Variants in CLASP1 observed in about 807,000 individuals in gnomAD.
The protein encoded by CLASP1 is cytoplasmic linker associated protein 1, also known as CLIP-associating protein 1.
Under a neutral mutation model 192.3 loss-of-function variants are expected in CLASP1, and 38 were observed. The observed-to-expected ratio is 0.20, with a 90% confidence interval of 0.15 to 0.26. CLASP1 has a LOEUF of 0.26. CLASP1 is among the 10% of genes least tolerant of loss of function. The pLI is 1.00. For missense variants in CLASP1, 1,433 were observed against 1,932.5 expected, an observed-to-expected ratio of 0.74 and a Z score of 4.85; for synonymous variants, 691 against 712.8, an observed-to-expected ratio of 0.97 and a Z score of 0.49.
chr2:121,564,341 C>A (rs965046586), intron 2 of CLASP1, among the ~76,000 whole-genome samples: 4 of 152,202 alleles, frequency 2.6e-5, no homozygotes, highest in African/African-American at 9.7e-5. Context: ...CTTAACCTCT[C>A]TGGCCCAGCA....
At chr2:121,527,851 T>G in exon 5 of CLASP1, 1 of 1,613,994 alleles carries the variant, frequency 6.2e-7, no homozygotes, top group Non-Finnish European at 8.5e-7. Flanking sequence ...GTACGGAAAT[T>G]CTTGTGTTTG....
chr2:121,447,440 A>G (rs771267075), exon 19 of CLASP1: 20 of 1,562,522 alleles, frequency 1.3e-5, no homozygotes, highest in Non-Finnish European at 1.7e-6. Context: ...CTGCGTTCAC[A>G]TCAATATCAC....
intron 2 of CLASP1, among the ~76,000 whole-genome samples, chr2:121,531,872 A>C (rs965813532): frequency 8.6e-5 from 13 of 151,978 alleles, no homozygotes; most frequent in African/African-American, 3.1e-4. Flanking sequence ...GTCTCAAAAA[A>C]AAAAAGAAAA....
exon 19 of CLASP1, chr2:121,447,347 G>A (rs1234744461): frequency 1.3e-5 from 20 of 1,590,668 alleles, no homozygotes; most frequent in East Asian, 4.6e-5. Flanking sequence ...CTAAGGATGC[G>A]TATGACCCTG....
chr2:121,517,198 GGTA>G (rs1462656086), intron 6 of CLASP1, among the ~76,000 whole-genome samples: 1 of 152,146 alleles, frequency 6.6e-6, no homozygotes, highest in Admixed American at 6.5e-5. Flanking sequence ...CAAATAAAAA[GGTA>G]GGAAGAAAAA....
Position 121,461,992 on chromosome 2 carries a change from A to T in CLASP1, c.939+540T>A, listed in dbSNP as rs936698755. 5.3e-5 allele frequency among the ~76,000 whole-genome samples: 8 copies of T among 152,208 alleles called. No homozygotes were observed. In the East Asian group the frequency reaches 1.2e-3, roughly 22 times the overall value. On this transcript the variant is annotated intron_variant, in intron 10 of 39. Transcript: ENST00000263710. ...AGTGCCACAGGAATCCAGAGCACAG[A>T]CAGTCAGTGTAGGCTGAGGAAAAGT...
At chr2:121,422,126 G>A (rs1320079864) in intron 22 of CLASP1, among the ~76,000 whole-genome samples, 1 of 152,130 alleles carries the variant, frequency 6.6e-6, no homozygotes, top group Non-Finnish European at 1.5e-5. Flanking sequence ...TACATTTCTT[G>A]ATAGACACTC....
chr2:121,418,506 A>C, intron 23 of CLASP1, 116 bp downstream of exon 23: 1 of 729,616 alleles, frequency 1.4e-6, no homozygotes, highest in Non-Finnish European at 2.4e-6. Flanking sequence ...GGAAAGAAAG[A>C]AGAAAGGATC....
exon 23 of CLASP1, chr2:121,418,670 G>A (rs1055573348): frequency 5.6e-6 from 9 of 1,613,752 alleles, no homozygotes; most frequent in African/African-American, 2.7e-5. Context: ...CTGCTCTCAC[G>A]GCTGGTATCG....
chr2:121,453,777 A>T (rs887555459), intron 14 of CLASP1, among the ~76,000 whole-genome samples: 3 of 152,198 alleles, frequency 2.0e-5, no homozygotes, highest in Non-Finnish European at 4.4e-5. Context: ...TCCACTATAT[A>T]TACGTTAATG....
Position 121,636,218 on chromosome 2 carries a change from C to T in CLASP1, c.-286+13154G>A, listed in dbSNP as rs563923507. On this transcript the variant is annotated intron_variant, in intron 1 of 39. Coordinates refer to ENST00000263710, the Ensembl canonical transcript of CLASP1. ...CAGGCACAGTGCAGGCGCCTGTAATCCCAGCTACTCGGGAGGCTGAGGCAG... is the reference window on the plus strand; with the variant it reads ...CAGGCACAGTGCAGGCGCCTGTAATTCCAGCTACTCGGGAGGCTGAGGCAG... 7.9e-5 allele frequency among the ~76,000 whole-genome samples: 12 copies of T among 151,940 alleles called. No homozygotes were observed. The South Asian group carries it at 2.3e-3, about 29-fold the overall frequency.
intron 33 of CLASP1, among the ~76,000 whole-genome samples, chr2:121,380,099 C>T (rs1376830089): frequency 3.3e-5 from 5 of 152,182 alleles, no homozygotes. Flanking sequence ...GACCATGCTA[C>T]TTTCTTTGCT....
intron 39 of CLASP1, among the ~76,000 whole-genome samples, chr2:121,343,869 G>T (rs1240460292): frequency 6.6e-6 from 1 of 152,046 alleles, no homozygotes; most frequent in African/African-American, 2.4e-5. Context: ...TCGAGAGTTC[G>T]AGACCAGCCT....
intron 8 of CLASP1, among the ~76,000 whole-genome samples, chr2:121,492,547 G>A (rs376721283): frequency 4.6e-5 from 7 of 151,698 alleles, no homozygotes; most frequent in South Asian, 2.1e-4. Flanking sequence ...TTTTTCCAAC[G>A]TAGATCAACA....
rs141991910 is a variant in CLASP1, at chr2:121,545,860, T to TA, written c.196-15536dup. 5.1e-3 allele frequency among the ~76,000 whole-genome samples: 758 copies of TA among 147,344 alleles called. 9 individuals are homozygous for TA. Among genetic ancestry groups the TA allele is most frequent in the African/African-American group, 0.018 (727 of 40,400 alleles). ...TCAGAGATGGTAAAACTGTAGAGGT[T>TA]AAAAAAAAAAGTGTCTCAGAATTGA... On this transcript the variant is annotated intron_variant, in intron 2 of 39. Coordinates refer to ENST00000263710, the Ensembl canonical transcript of CLASP1.
chr2:121,411,976 C>A (rs2077777501), intron 23 of CLASP1, among the ~76,000 whole-genome samples: 1 of 152,044 alleles, frequency 6.6e-6, no homozygotes, highest in African/African-American at 2.4e-5. Context: ...TTCGTTTGGA[C>A]AACGAAAATC....
chr2:121,374,499 C>T (rs1312697238), intron 34 of CLASP1, among the ~76,000 whole-genome samples: 1 of 152,220 alleles, frequency 6.6e-6, no homozygotes, highest in African/African-American at 2.4e-5. Context: ...GGCCATAGTT[C>T]TCCAGATCCC....
intron 35 of CLASP1, among the ~76,000 whole-genome samples, chr2:121,366,778 C>A (rs1044331786): frequency 2.0e-5 from 3 of 152,178 alleles, no homozygotes; most frequent in Non-Finnish European, 4.4e-5. Context: ...AAAGCACTAT[C>A]AAATCGAAAT....
At chr2:121,482,933 T>C (rs989545740) in intron 8 of CLASP1, among the ~76,000 whole-genome samples, 2 of 152,124 alleles carry the variant, frequency 1.3e-5, no homozygotes, top group African/African-American at 2.4e-5. Context: ...GACAGAGCCT[T>C]CTCCAAGAGA....
Sources: allele counts gnomAD v4.1 joint callset (sites outside exome capture counted in the v4.1 genomes callset), GRCh38; gene constraint gnomAD v4.1.1; transcripts MANE v1.5; gene names NCBI Gene and HGNC (gene_info 2026-07-23, HGNC 2026-07-21).